Variants in ADGRF3 observed in about 807,000 individuals in gnomAD.
The protein encoded by ADGRF3 is adhesion G protein-coupled receptor F3.
A neutral mutation model predicts 93.2 loss-of-function variants in ADGRF3; 85 were observed. That is an observed-to-expected ratio of 0.91 (90% CI 0.77 to 1.09). The LOEUF (loss-of-function observed/expected upper bound fraction) is 1.09, where lower values mean the gene tolerates loss of function less well. ADGRF3 is among the 50% of genes least tolerant of loss of function. The pLI is 0.00. For missense variants in ADGRF3, 1,125 were observed against 1,246.2 expected (o/e 0.90, Z 1.46); for synonymous variants, 534 against 532.5 (o/e 1.00, Z -0.04).
At chr2:26,315,974 T>C (rs1333811895) in intron 4 of ADGRF3, among the ~76,000 whole-genome samples, 1 of 148,626 alleles carries the variant, frequency 6.7e-6, no homozygotes, top group East Asian at 1.9e-4. Flanking sequence ...GGTCTATGCC[T>C]CTCCCTCCCC....
At chr2:26,318,272 A>C (rs945507279) in intron 1 of ADGRF3, 15 of 592,462 alleles carry the variant, frequency 2.5e-5, no homozygotes, top group Non-Finnish European at 3.6e-5. Flanking sequence ...CCAAAACCAG[A>C]TATTGATATA....
rs754989392 is a variant in ADGRF3, at chr2:26,311,298, G to A, written c.2226C>T (p.Ala742=). ...AGCAGAACACCATGTTGAGCAGGGC[G>A]GCGTGGCGGAAATAGGAGATCTTGT... The part of the protein sequence containing the change: ...VRNKISYFRH[A]ALLNMVFCLL... The change falls in exon 10 of 14, where the codon GCC becomes GCT. Residue 742 remains alanine (A), a synonymous_variant. Coordinates refer to ENST00000651242, the MANE Select transcript of ADGRF3 (RefSeq NM_001321971.2). 1.4e-5 allele frequency: 23 copies of A among 1,613,866 alleles called. No individual in the cohort carries two copies. The highest frequency in any genetic ancestry group is 5.5e-5 in the South Asian group (5 of 91,070).
At chr2:26,312,338 T>A (rs1432575163) in intron 9 of ADGRF3, among the ~76,000 whole-genome samples, 2 of 151,990 alleles carry the variant, frequency 1.3e-5, no homozygotes, top group African/African-American at 2.4e-5. Context: ...AAACCCTTCT[T>A]CCCCCTCCAT....
At chr2:26,345,558 G>A (rs749587288) in intron 1 of ADGRF3, among the ~76,000 whole-genome samples, 3 of 152,120 alleles carry the variant, frequency 2.0e-5, no homozygotes. Flanking sequence ...AGACTCCCGT[G>A]GCCCCGGCAG....
Position 26,311,346 on chromosome 2 carries a change from C to G in ADGRF3, c.2178G>C (p.Leu726=), listed in dbSNP as rs1674105498. ...TGTTCCGCACCACGACTCTCCACAC[C>G]AGCCAGTACACACCCAGGCACACAA... ...ALLVCLGVYW[L]VWRVVVRNKI... is the part of the protein sequence containing the mutation. Residue 726 remains leucine, a synonymous_variant, in exon 10 of 14, where the codon CTG becomes CTC. Coordinates refer to ENST00000651242, the MANE Select transcript of ADGRF3 (RefSeq NM_001321971.2). The G allele has an allele frequency of 1.2e-6, 2 of 1,614,012 alleles. No individual in the cohort carries two copies. Among genetic ancestry groups the G allele is most frequent in the East Asian group, 4.5e-5 (2 of 44,880 alleles).
intron 1 of ADGRF3, among the ~76,000 whole-genome samples, chr2:26,322,965 G>A (rs993042617): frequency 6.6e-6 from 1 of 151,894 alleles, no homozygotes; most frequent in Non-Finnish European, 1.5e-5. Flanking sequence ...GTGAAAACCC[G>A]TCTCTACTAA....
At position 26,313,874 on chromosome 2, in the gene ADGRF3, A is replaced by C; in HGVS notation, c.958T>G (p.Cys320Gly). Reference sequence around the variant, plus strand: ...CAGCGCTGAACAGCCAGCACAAAGCACTGAGAGCCTGACTCGTTGAAGGAG... The same window carrying C: ...CAGCGCTGAACAGCCAGCACAAAGCCCTGAGAGCCTGACTCGTTGAAGGAG... ...ASSFNESGSQ[C>G]FVLAVQRCPM... The change falls in exon 7 of 14, where the codon TGC becomes GGC. Residue 320 changes from cysteine (C) to glycine (G), a missense_variant. Physicochemically the swap from Cys to Gly is radical, Grantham distance 159. Transcript: ENST00000651242. 6.2e-7 allele frequency: 1 copy of C among 1,614,046 alleles called. No individual in the cohort carries two copies. Among genetic ancestry groups the C allele is most frequent in the South Asian group, 1.1e-5 (1 of 91,090 alleles).
In ADGRF3 at chr2:26,308,958, A is replaced by G. The variant is rs914561919; in HGVS notation, c.*128T>C. ...AAATGAGTGTCACTAAGGGAAATAT[A>G]AGCCTGCCTTTCTCAAGGGCTGAGC... On this transcript the variant is annotated 3_prime_UTR_variant, in exon 14 of 14. Coordinates refer to ENST00000651242, the MANE Select transcript of ADGRF3 (RefSeq NM_001321971.2). The G allele has an allele frequency of 6.5e-6, 8 of 1,238,876 alleles. No individual in the cohort carries two copies. In the African/African-American group the frequency reaches 1.0e-4, roughly 16 times the overall value. The allele number at this position is 1,238,876 out of a possible 1,614,324, so 76.7% of individuals were successfully genotyped here. A position where few individuals can be genotyped will look rare whatever the true frequency, so the allele number is the denominator to read the frequency against.
At chr2:26,316,836 C>A in intron 3 of ADGRF3, 76 bp downstream of exon 3, 1 of 1,482,396 alleles carries the variant, frequency 6.7e-7, no homozygotes, top group East Asian at 2.3e-5. Context: ...CTCACAGAGT[C>A]TCAGGCAAGC....
At chr2:26,314,104 A>C (rs1370619453) in intron 6 of ADGRF3, among the ~76,000 whole-genome samples, 1 of 152,234 alleles carries the variant, frequency 6.6e-6, no homozygotes, top group African/African-American at 2.4e-5. Context: ...GGTCTCTAAC[A>C]AGCTCTAGGA....
chr2:26,346,148 C>G lies in ADGRF3; in HGVS notation c.87G>C (p.Arg29Ser). The change falls in exon 1 of 14, where the codon AGG (arginine) becomes AGC (serine). Residue 29 changes from arginine (R) to serine (S), a missense_variant. By Grantham distance (110) the Arg-to-Ser change is moderately radical (BLOSUM62 -1). Coordinates refer to ENST00000651242, the MANE Select transcript of ADGRF3 (RefSeq NM_001321971.2). The part of the protein sequence containing the change: ...VTHKHHTGWA[R>S]MAKTGLPEKG... Reference sequence around the variant, plus strand: ...TCTCGGGCAGCCCAGTCTTTGCCATCCTTGCCCAGCCGGTGTGGTGCTTGT... The same window carrying G: ...TCTCGGGCAGCCCAGTCTTTGCCATGCTTGCCCAGCCGGTGTGGTGCTTGT... 6.2e-7 allele frequency: 1 copy of G among 1,605,482 alleles called. No individual in the cohort carries two copies. The highest frequency in any genetic ancestry group is 8.5e-7 in the Non-Finnish European group (1 of 1,176,452).
intron 1 of ADGRF3, among the ~76,000 whole-genome samples, chr2:26,339,336 A>G (rs1013394910): frequency 5.3e-5 from 8 of 151,898 alleles, no homozygotes; most frequent in African/African-American, 1.9e-4. Flanking sequence ...CCTCTACTAA[A>G]AATACCAAAA....
At chr2:26,315,473 G>A (rs947998356) in intron 5 of ADGRF3, 49 bp downstream of exon 5, 2 of 1,522,226 alleles carry the variant, frequency 1.3e-6, no homozygotes, top group African/African-American at 1.4e-5. Flanking sequence ...GAGGATGAAG[G>A]GAAGTAAGAG....
rs112469324 is a variant in ADGRF3 at position 26,324,506 on chromosome 2, G to GT, written c.115-6945dup. On this transcript the variant is annotated intron_variant, in intron 1 of 13. Coordinates refer to ENST00000651242, the MANE Select transcript of ADGRF3 (RefSeq NM_001321971.2). ...CCCACCCTCTGAAAGGCCCCAGTGT[G>GT]TGTTCCCCTGTATGTGTCCATGTGT... Among the ~76,000 whole-genome samples the GT allele has an allele frequency of 4.6e-5, 7 of 151,558 alleles. No individual in the cohort carries two copies. The South Asian group carries it at 8.3e-4, about 18-fold the overall frequency.
At chr2:26,313,224 C>A (rs1674348710) in intron 8 of ADGRF3, 102 bp from the exon 9 acceptor site, 1 of 1,479,702 alleles carries the variant, frequency 6.8e-7, no homozygotes, top group Non-Finnish European at 9.3e-7. Context: ...GAAGCCCTCT[C>A]ACTCCTACTT....
At chr2:26,320,047 C>T (rs1170621144) in intron 1 of ADGRF3, among the ~76,000 whole-genome samples, 1 of 151,822 alleles carries the variant, frequency 6.6e-6, no homozygotes, top group East Asian at 1.9e-4. Context: ...ACTGAGAAGC[C>T]AAAAAGGAAA....
chr2:26,346,336 C>G lies in ADGRF3; in HGVS notation c.-102G>C. 3 of 1,578,372 alleles carry G rather than the reference C, an allele frequency of 1.9e-6. No homozygotes were observed. The highest frequency in any genetic ancestry group is 2.6e-6 in the Non-Finnish European group (3 of 1,161,820). On this transcript the variant is annotated 5_prime_UTR_variant, in exon 1 of 14. Transcript: ENST00000651242. ...CCCTCTCCCTGCTCCCGGCCTCGCC[C>G]AGGCGGCTGAGGGGCCCGCGCGGCG...
At chr2:26,309,385 G>C in intron 13 of ADGRF3, 141 bp downstream of exon 13, 1 of 1,503,930 alleles carries the variant, frequency 6.6e-7, no homozygotes, top group Non-Finnish European at 8.9e-7. Context: ...GGCTACCCTA[G>C]AAAAACCTGT....
chr2:26,335,924 C>T (rs143944556), intron 1 of ADGRF3, among the ~76,000 whole-genome samples: 42 of 152,216 alleles, frequency 2.8e-4, no homozygotes, highest in African/African-American at 9.2e-4. Context: ...GCTGCCAGTG[C>T]CATATATGTC....
Sources: allele counts gnomAD v4.1 joint callset (sites outside exome capture counted in the v4.1 genomes callset), GRCh38; gene constraint gnomAD v4.1.1; transcripts MANE v1.5; gene names NCBI Gene and HGNC (gene_info 2026-07-23, HGNC 2026-07-21).